GMDS: variants seen among roughly 807,000 people sequenced by gnomAD.
The protein encoded by GMDS is GDP-mannose 4,6 dehydratase.
In GMDS, 20 loss-of-function variants were observed where a neutral mutation model predicts 49.9. The observed-to-expected ratio is 0.40, with a 90% CI of 0.28 to 0.58. The LOEUF (loss-of-function observed/expected upper bound fraction) is 0.58, where lower values mean the gene tolerates loss of function less well. Among genes scored for constraint, GMDS ranks in the 20% least tolerant of loss-of-function variants. GMDS has a pLI of 0.42. For missense variants in GMDS, 362 were observed against 481.4 expected (o/e 0.75, Z 2.32); for synonymous variants, 177 against 178.6 (o/e 0.99, Z 0.07).
At chr6:1,679,886 T>C (rs931452531) in intron 9 of GMDS, 2 of 152,194 alleles carry the variant, frequency 1.3e-5, no homozygotes, top group African/African-American at 4.8e-5. Flanking sequence ...TAAATGCTCT[T>C]GAGATCTCTA....
chr6:1,734,970 G>A (rs573782581), intron 8 of GMDS, among the ~76,000 whole-genome samples: 15 of 152,346 alleles, frequency 9.8e-5, no homozygotes, highest in African/African-American at 3.6e-4. Context: ...GAGCCTCAGC[G>A]TGTCCACGCT....
intron 8 of GMDS, among the ~76,000 whole-genome samples, chr6:1,726,870 AAATT>A (rs1488616312): frequency 2.5e-4 from 38 of 151,730 alleles, no homozygotes; most frequent in African/African-American, 8.7e-4. Flanking sequence ...ATTAATTAAT[AAATT>A]ATTATAAATT....
intron 7 of GMDS, among the ~76,000 whole-genome samples, chr6:1,910,012 G>A (rs1032206267): frequency 1.3e-5 from 2 of 152,026 alleles, no homozygotes; most frequent in Non-Finnish European, 2.9e-5. Context: ...ATGTACACTG[G>A]ATTTTGAAGA....
intron 7 of GMDS, among the ~76,000 whole-genome samples, chr6:1,879,765 A>G (rs561810176): frequency 1.3e-5 from 2 of 152,332 alleles, no homozygotes; most frequent in East Asian, 3.9e-4. Flanking sequence ...TTGTATTTCT[A>G]AAGCATCTCT....
chr6:1,762,009 G>A (rs7349865), intron 7 of GMDS, among the ~76,000 whole-genome samples: 143,542 of 152,326 alleles, frequency 0.94, 67,689 homozygotes, highest in East Asian at 1. Context: ...AGATCTTAAC[G>A]TGAATTAAAG....
chr6:1,889,987 T>C (rs1759797017), intron 7 of GMDS, among the ~76,000 whole-genome samples: 1 of 152,196 alleles, frequency 6.6e-6, no homozygotes, highest in Admixed American at 6.5e-5. Context: ...ATGAATTACA[T>C]TTTATTTATC....
At chr6:1,881,186 A>C (rs12197156) in intron 7 of GMDS, among the ~76,000 whole-genome samples, 1 of 152,198 alleles carries the variant, frequency 6.6e-6, no homozygotes, top group Non-Finnish European at 1.5e-5. Context: ...AAGACCAAAC[A>C]CAATTAGAAA....
intron 9 of GMDS, among the ~76,000 whole-genome samples, chr6:1,646,805 C>T (rs1332990706): frequency 2.0e-5 from 3 of 152,176 alleles, no homozygotes; most frequent in African/African-American, 7.2e-5. Flanking sequence ...TGAAGACTCC[C>T]CACTTCTGCA....
chr6:1,662,245 G>A (rs1196350352), intron 9 of GMDS, among the ~76,000 whole-genome samples: 5 of 152,190 alleles, frequency 3.3e-5, no homozygotes, highest in Admixed American at 1.3e-4. Context: ...AAACTGAGGT[G>A]GCAATGGTGA....
At chr6:2,025,685 G>A (rs1260123478) in intron 4 of GMDS, among the ~76,000 whole-genome samples, 1 of 152,058 alleles carries the variant, frequency 6.6e-6, no homozygotes, top group East Asian at 1.9e-4. Context: ...GTCTATAAAT[G>A]AATGAATAAA....
intron 9 of GMDS, among the ~76,000 whole-genome samples, chr6:1,665,834 G>A (rs142880088): frequency 1.3e-5 from 2 of 152,324 alleles, no homozygotes; most frequent in Non-Finnish European, 1.5e-5. Flanking sequence ...CTACAAGGAA[G>A]CCCGCTGTGT....
rs953620511 is a variant in GMDS, at chr6:1,743,324, C to T, written c.772-738G>A. The stretch of plus-strand genomic sequence containing the variant: ...GTCCCAGCACTTTGGGAGGCCGAGG[C>T]GGGTGGATCACGAGGTCAGGAGATC... On this transcript the variant is annotated intron_variant, in intron 7 of 10. Coordinates refer to ENST00000380815, the MANE Select transcript of GMDS (RefSeq NM_001500.4). Among the ~76,000 whole-genome samples the T allele has an allele frequency of 2.6e-4, 40 of 152,110 alleles. 1 individual carries two copies. Among genetic ancestry groups the T allele is most frequent in the Non-Finnish European group, 1.5e-4 (10 of 68,016 alleles).
At chr6:2,168,410 C>T (rs1183773388) in intron 1 of GMDS, among the ~76,000 whole-genome samples, 1 of 152,176 alleles carries the variant, frequency 6.6e-6, no homozygotes, top group Non-Finnish European at 1.5e-5. Flanking sequence ...AGGTCACTTC[C>T]CTACAAACAA....
intron 4 of GMDS, among the ~76,000 whole-genome samples, chr6:2,024,589 T>TA (rs1281402906): frequency 7.9e-5 from 12 of 151,934 alleles, no homozygotes; most frequent in Non-Finnish European, 1.6e-4. Flanking sequence ...GTATGCATGT[T>TA]AAAGTTAACT....
chr6:1,916,646 C>A (rs1761418492), intron 7 of GMDS, among the ~76,000 whole-genome samples: 1 of 152,196 alleles, frequency 6.6e-6, no homozygotes, highest in Non-Finnish European at 1.5e-5. Flanking sequence ...AGTGTAATTT[C>A]TTTGAGCCCC....
rs575652466 is a variant in GMDS at position 2,233,963 on chromosome 6, T to C, written c.102+11358A>G. Among the ~76,000 whole-genome samples, 9 of 152,356 alleles carry C rather than the reference T, an allele frequency of 5.9e-5. No homozygotes were observed. In the South Asian group the frequency reaches 1.9e-3, roughly 32 times the overall value. On this transcript the variant is annotated intron_variant, in intron 1 of 10. Coordinates refer to ENST00000380815, the MANE Select transcript of GMDS (RefSeq NM_001500.4). ...TGCAGTGTATTTCCTCCAGGATTTC[T>C]GAGGAAGTATGAACTCCAGATGTCA...
intron 6 of GMDS, among the ~76,000 whole-genome samples, chr6:1,936,512 C>T (rs1437882549): frequency 6.6e-6 from 1 of 152,188 alleles, no homozygotes; most frequent in African/African-American, 2.4e-5. Flanking sequence ...TCAGCTGAGA[C>T]CAGGAGGCAT....
rs149816706 is a variant in GMDS, at chr6:2,006,160, G to A, written c.346-45194C>T. 5.6e-3 allele frequency among the ~76,000 whole-genome samples: 854 copies of A among 151,980 alleles called. 6 individuals are homozygous for A. Among genetic ancestry groups the A allele is most frequent in the African/African-American group, 0.019 (798 of 41,430 alleles). On this transcript the variant is annotated intron_variant, in intron 4 of 10. Transcript: ENST00000380815. Reference sequence around the variant, plus strand: ...AAATTGGCCAGGCACGGTGGTTCACGCCTGCAATCACAGCACTTTAGGAGG... The same window carrying A: ...AAATTGGCCAGGCACGGTGGTTCACACCTGCAATCACAGCACTTTAGGAGG...
intron 4 of GMDS, among the ~76,000 whole-genome samples, chr6:2,028,120 C>T (rs139290440): frequency 1.4e-3 from 216 of 152,282 alleles, no homozygotes; most frequent in African/African-American, 5.0e-3. Context: ...TTTAGATCTC[C>T]ATTTTAGCTT....
Sources: gnomAD v4.1 joint callset for allele counts (sites outside exome capture counted in the v4.1 genomes callset) on GRCh38, gnomAD v4.1.1 for gene constraint, MANE v1.5 for transcripts, NCBI Gene and HGNC (gene_info 2026-07-23, HGNC 2026-07-21) for gene names.